The following ENAH variants were observed in gnomAD, a reference collection of about 807,000 sequenced individuals.
ENAH encodes the protein ENAH actin regulator, also known as protein enabled homolog.
In ENAH, 23 loss-of-function variants were observed where a neutral mutation model predicts 78.7. The ratio of observed to expected loss-of-function variants is 0.29; its 90% confidence interval spans 0.21 to 0.41. The LOEUF (loss-of-function observed/expected upper bound fraction) is 0.41, where lower values mean the gene tolerates loss of function less well. Ranked by LOEUF, ENAH falls within the 10% of genes least tolerant of loss-of-function variation. The pLI is 1.00. For synonymous variants in ENAH, 226 were observed against 241.0 expected (o/e 0.94, Z 0.58); for missense variants, 544 against 691.0 (o/e 0.79, Z 2.39).
At chr1:225,652,472 C>T in intron 1 of ENAH, 1 of 954,216 alleles carries the variant, frequency 1.0e-6, no homozygotes, top group Non-Finnish European at 1.2e-6. Context: ...AATGAGAGAA[C>T]GATGAAGCGA....
At chr1:225,630,628 T>C (rs1217540472) in intron 1 of ENAH, among the ~76,000 whole-genome samples, 1 of 152,194 alleles carries the variant, frequency 6.6e-6, no homozygotes, top group Non-Finnish European at 1.5e-5. Flanking sequence ...TAGAAGGCTA[T>C]TAGCCATCAC....
intron 4 of ENAH, chr1:225,524,566 T>C (rs1441878240): frequency 5.1e-6 from 5 of 981,224 alleles, no homozygotes; most frequent in Non-Finnish European, 6.1e-6. Context: ...GTTTTAATAT[T>C]ACAAAGCCGC....
At chr1:225,629,242 C>T (rs762876072) in intron 1 of ENAH, among the ~76,000 whole-genome samples, 14 of 152,066 alleles carry the variant, frequency 9.2e-5, no homozygotes, top group Non-Finnish European at 5.9e-5. Flanking sequence ...CACGCCACTG[C>T]ACTTCAGCCT....
intron 1 of ENAH, among the ~76,000 whole-genome samples, chr1:225,583,433 CAAA>C (rs67324652): frequency 2.6e-4 from 26 of 100,530 alleles, no homozygotes; most frequent in Admixed American, 5.4e-4. Flanking sequence ...GACCCTGTAT[CAAA>C]AAAAAAAAAA....
chr1:225,570,281 CTTAT>C (rs2096754961), intron 1 of ENAH, among the ~76,000 whole-genome samples: 1 of 152,146 alleles, frequency 6.6e-6, no homozygotes, highest in African/African-American at 2.4e-5. Flanking sequence ...ACTCAGTCCT[CTTAT>C]TCCTTTCCAC....
chr1:225,565,856 G>C (rs1322559071), intron 2 of ENAH, among the ~76,000 whole-genome samples: 1 of 152,124 alleles, frequency 6.6e-6, no homozygotes, highest in Non-Finnish European at 1.5e-5. Flanking sequence ...GAAGACTAAG[G>C]AGGGAAAAGA....
chr1:225,561,380 T>G (rs543592154), intron 2 of ENAH, among the ~76,000 whole-genome samples: 1 of 151,968 alleles, frequency 6.6e-6, no homozygotes, highest in East Asian at 1.9e-4. Context: ...TCCCAGCACT[T>G]TGGGAGGCGG....
rs147271035 is a variant in ENAH, at chr1:225,539,471, A to G, written c.350-8833T>C. Among the ~76,000 whole-genome samples, 137 of 152,332 alleles carry G rather than the reference A, an allele frequency of 9.0e-4. 1 individual carries two copies. The highest frequency in any genetic ancestry group is 3.1e-3 in the African/African-American group (129 of 41,578). On this transcript the variant is annotated intron_variant, in intron 3 of 13. Coordinates refer to ENST00000366843, the MANE Select transcript of ENAH (RefSeq NM_018212.6). ...TATGAGGGGATAAGCTCAAAAACTG[A>G]GAGACCACCAACCTAGACAATTACA...
At chr1:225,560,945 G>C (rs1401793681) in intron 2 of ENAH, among the ~76,000 whole-genome samples, 1 of 152,202 alleles carries the variant, frequency 6.6e-6, no homozygotes, top group East Asian at 1.9e-4. Flanking sequence ...ATAAAAATTT[G>C]AAATCTGGGG....
intron 1 of ENAH, among the ~76,000 whole-genome samples, chr1:225,624,890 A>G (rs1657659634): frequency 6.6e-6 from 1 of 152,140 alleles, no homozygotes; most frequent in Non-Finnish European, 1.5e-5. Flanking sequence ...CATGGTTTCT[A>G]CATCACTGCA....
chr1:225,621,133 C>T (rs991119277), intron 1 of ENAH, among the ~76,000 whole-genome samples: 1 of 152,112 alleles, frequency 6.6e-6, no homozygotes, highest in Admixed American at 6.5e-5. Context: ...AAATCTTCAC[C>T]CATGTCCACT....
At position 225,490,571 on chromosome 1, in the gene ENAH, C is replaced by CA. The variant is rs2096217795; in HGVS notation, c.*7203dup. On this transcript the variant is annotated 3_prime_UTR_variant, in exon 14 of 14. Transcript: ENST00000366843. ...CCTGAGTGACAGAGCAACACTCCGTCAAAAATTTTTTTTTGCAATTGAAAC... is the reference window on the plus strand; with the variant it reads ...CCTGAGTGACAGAGCAACACTCCGTCAAAAAATTTTTTTTTGCAATTGAAAC... 2.0e-5 allele frequency: 3 copies of CA among 151,944 alleles called. No homozygotes were observed. The highest frequency in any genetic ancestry group is 2.4e-5 in the African/African-American group (1 of 41,384). The allele number at this position is 151,944 out of a possible 1,614,324, so 9.4% of individuals were successfully genotyped here.
At chr1:225,600,315 C>G (rs943881042) in intron 1 of ENAH, among the ~76,000 whole-genome samples, 1 of 152,190 alleles carries the variant, frequency 6.6e-6, no homozygotes, top group Non-Finnish European at 1.5e-5. Flanking sequence ...TTGCAGTGAG[C>G]CATGTTGGTG....
chr1:225,628,691 A>G (rs1658396259), intron 1 of ENAH, among the ~76,000 whole-genome samples: 1 of 151,956 alleles, frequency 6.6e-6, no homozygotes, highest in Non-Finnish European at 1.5e-5. Flanking sequence ...TGGGCAGATC[A>G]CCTGAGGTCA....
intron 10 of ENAH, among the ~76,000 whole-genome samples, chr1:225,511,542 T>G (rs1182772149): frequency 6.6e-6 from 1 of 152,248 alleles, no homozygotes; most frequent in Non-Finnish European, 1.5e-5. Context: ...ATGCTCACTT[T>G]ATTTTTACCT....
At chr1:225,591,261 G>C (rs991039896) in intron 1 of ENAH, among the ~76,000 whole-genome samples, 3 of 152,180 alleles carry the variant, frequency 2.0e-5, no homozygotes, top group Admixed American at 2.0e-4. Flanking sequence ...CTGAGGTCAG[G>C]AGTTCGAGAC....
At chr1:225,635,724 CCCCTT>C (rs1659941117) in intron 1 of ENAH, among the ~76,000 whole-genome samples, 1 of 152,126 alleles carries the variant, frequency 6.6e-6, no homozygotes, top group Non-Finnish European at 1.5e-5. Flanking sequence ...GTAGAGTGGA[CCCCTT>C]AATCCAATAT....
chr1:225,499,298 C>T (rs770845556), intron 12 of ENAH, among the ~76,000 whole-genome samples: 3 of 151,876 alleles, frequency 2.0e-5, no homozygotes, highest in Non-Finnish European at 4.4e-5. Context: ...AATAATGCAG[C>T]TACTAGAAAA....
intron 1 of ENAH, among the ~76,000 whole-genome samples, chr1:225,603,368 T>A (rs989571188): frequency 6.6e-6 from 1 of 152,144 alleles, no homozygotes; most frequent in African/African-American, 2.4e-5. Flanking sequence ...ATTAAAAGAA[T>A]AACCCCTGAA....
Sources: allele counts gnomAD v4.1 joint callset (sites outside exome capture counted in the v4.1 genomes callset), GRCh38; gene constraint gnomAD v4.1.1; transcripts MANE v1.5; gene names NCBI Gene and HGNC (gene_info 2026-07-23, HGNC 2026-07-21).